MCC: variants seen among roughly 807,000 people sequenced by gnomAD.
The protein encoded by MCC is MCC regulator of Wnt signaling pathway.
Under a neutral mutation model 116.2 loss-of-function variants are expected in MCC, and 90 were observed. The ratio of observed to expected loss-of-function variants is 0.77; its 90% confidence interval spans 0.65 to 0.92. The LOEUF (loss-of-function observed/expected upper bound fraction) is 0.92. Ranked by LOEUF, MCC falls within the 40% of genes least tolerant of loss-of-function variation. The pLI is 0.00. For synonymous variants in MCC, 578 were observed against 510.5 expected (o/e 1.13, Z -1.78); for missense variants, 1,516 against 1,312.2 (o/e 1.16, Z -2.40).
In MCC at chr5:113,062,634, G is replaced by A. The variant is rs1337858559; in HGVS notation, c.2213+1350C>T. Among the ~76,000 whole-genome samples, 8 of 152,250 alleles carry A rather than the reference G, an allele frequency of 5.3e-5. No individual in the cohort carries two copies. In the South Asian group the frequency reaches 6.2e-4, roughly 12 times the overall value. On this transcript the variant is annotated intron_variant, in intron 14 of 18. Coordinates refer to ENST00000408903, the MANE Select transcript of MCC (RefSeq NM_001085377.2). ...ACATCTGGAAGAGTCATTAAGAAGA[G>A]CATCTGCTTTCTGTGTTTACACAGT...
At chr5:113,396,348 C>A (rs1416703147) in intron 1 of MCC, among the ~76,000 whole-genome samples, 1 of 151,660 alleles carries the variant, frequency 6.6e-6, no homozygotes, top group Non-Finnish European at 1.5e-5. Flanking sequence ...ACAAAAAAAC[C>A]GAGCCATGCA....
intron 1 of MCC, among the ~76,000 whole-genome samples, chr5:113,447,498 T>G (rs993109991): frequency 6.6e-6 from 1 of 152,164 alleles, no homozygotes; most frequent in African/African-American, 2.4e-5. Flanking sequence ...CCCACTATGC[T>G]TTTTCTACAG....
intron 3 of MCC, among the ~76,000 whole-genome samples, chr5:113,312,573 A>T (rs1767161369): frequency 6.6e-6 from 1 of 152,212 alleles, no homozygotes; most frequent in Non-Finnish European, 1.5e-5. Flanking sequence ...GATAAAGAAG[A>T]GAATGCAAAG....
In MCC at chr5:113,064,084, C is replaced by A; in HGVS notation, c.2113G>T (p.Ala705Ser). 6.2e-7 allele frequency: 1 copy of A among 1,614,210 alleles called. No individual in the cohort carries two copies. Among genetic ancestry groups the A allele is most frequent in the Non-Finnish European group, 8.5e-7 (1 of 1,180,038 alleles). Residue 705 changes from alanine to serine, a missense_variant, in exon 14 of 19, where the codon GCC (alanine) becomes TCC (serine). By Grantham distance (99) the Ala-to-Ser change is moderately conservative. Transcript: ENST00000408903. ...CTGCCGTCCAGCTTCATGAGCAGGG[C>A]CTTGGCAGCGTTCTCAGCTGTCTTC... is the stretch of plus-strand genomic sequence containing the variant. ...CRKTAENAAK[A>S]LLMKLDGSCG...
chr5:113,053,012 A>G (rs1281050704), intron 15 of MCC, among the ~76,000 whole-genome samples: 2 of 152,214 alleles, frequency 1.3e-5, no homozygotes, highest in African/African-American at 4.8e-5. Flanking sequence ...CTGCCTTGTA[A>G]GAGCAGGTAC....
At chr5:113,404,695 CT>C (rs1313010101) in intron 1 of MCC, among the ~76,000 whole-genome samples, 2 of 152,192 alleles carry the variant, frequency 1.3e-5, no homozygotes, top group Non-Finnish European at 2.9e-5. Context: ...TAAATATCCA[CT>C]GATGGAGGCC....
At chr5:113,117,336 T>C (rs1395952442) in intron 6 of MCC, among the ~76,000 whole-genome samples, 1 of 152,226 alleles carries the variant, frequency 6.6e-6, no homozygotes, top group Non-Finnish European at 1.5e-5. Context: ...AGGTTTCATG[T>C]GGAAATTCTT....
intron 3 of MCC, among the ~76,000 whole-genome samples, chr5:113,295,478 C>A (rs1006529274): frequency 1.3e-5 from 2 of 151,992 alleles, no homozygotes; most frequent in African/African-American, 4.8e-5. Context: ...GGCTCCCCAA[C>A]CCCCATCCCT....
chr5:113,041,044 G>A (rs1272140000), intron 17 of MCC, among the ~76,000 whole-genome samples: 1 of 152,182 alleles, frequency 6.6e-6, no homozygotes, highest in Non-Finnish European at 1.5e-5. Context: ...ATTTGTTGAG[G>A]GCATTTTTCT....
At chr5:113,077,241 GATCA>G (rs973930709) in intron 11 of MCC, among the ~76,000 whole-genome samples, 2 of 152,148 alleles carry the variant, frequency 1.3e-5, no homozygotes, top group African/African-American at 2.4e-5. Context: ...ACATTAGACA[GATCA>G]ATGAGACAGA....
chr5:113,070,452 A>G (rs1454396198), intron 12 of MCC, among the ~76,000 whole-genome samples: 1 of 152,200 alleles, frequency 6.6e-6, no homozygotes, highest in Non-Finnish European at 1.5e-5. Flanking sequence ...AGTGAACTGT[A>G]GTTATTTAAA....
intron 3 of MCC, among the ~76,000 whole-genome samples, chr5:113,289,531 A>G (rs1416022943): frequency 6.6e-6 from 1 of 152,060 alleles, no homozygotes; most frequent in Non-Finnish European, 1.5e-5. Flanking sequence ...ACACACAGAA[A>G]TGATCCTGTG....
At chr5:113,028,787 G>C in intron 18 of MCC, 147 bp downstream of exon 18, 3 of 873,030 alleles carry the variant, frequency 3.4e-6, no homozygotes, top group Non-Finnish European at 3.4e-6. Context: ...GGCTCTTAGA[G>C]AGCCAGGTAG....
At chr5:113,042,721 G>T (rs1007934381) in intron 17 of MCC, among the ~76,000 whole-genome samples, 1 of 151,742 alleles carries the variant, frequency 6.6e-6, no homozygotes, top group Non-Finnish European at 1.5e-5. Context: ...AACTTGAAAT[G>T]TCTGAATTTG....
chr5:113,042,988 A>G (rs1751822786), intron 17 of MCC, among the ~76,000 whole-genome samples: 1 of 152,160 alleles, frequency 6.6e-6, no homozygotes, highest in Non-Finnish European at 1.5e-5. Context: ...AAAAGCAGTG[A>G]TGGAAAGAAG....
intron 6 of MCC, among the ~76,000 whole-genome samples, chr5:113,105,013 C>A (rs1756648673): frequency 6.6e-6 from 1 of 152,204 alleles, no homozygotes; most frequent in Admixed American, 6.5e-5. Context: ...CGCTGGACAT[C>A]CAGGGCCTGG....
intron 17 of MCC, among the ~76,000 whole-genome samples, chr5:113,040,218 A>C (rs1423750235): frequency 6.6e-6 from 1 of 151,798 alleles, no homozygotes; most frequent in African/African-American, 2.4e-5. Context: ...TTCCAAACAG[A>C]AGAAAGTTAG....
intron 8 of MCC, among the ~76,000 whole-genome samples, chr5:113,091,830 G>A (rs11744956): frequency 0.46 from 69,330 of 151,712 alleles, 17,406 homozygotes; most frequent in African/African-American, 0.69. Context: ...GGCCATGGTG[G>A]GCTAGGAGGA....
At chr5:113,056,931 G>T (rs1752873224) in intron 14 of MCC, among the ~76,000 whole-genome samples, 1 of 152,198 alleles carries the variant, frequency 6.6e-6, no homozygotes, top group Non-Finnish European at 1.5e-5. Context: ...GGTGAAAAAT[G>T]AAGCAGGGAA....
Sources: allele counts gnomAD v4.1 joint callset (sites outside exome capture counted in the v4.1 genomes callset), GRCh38; gene constraint gnomAD v4.1.1; transcripts MANE v1.5; gene names NCBI Gene and HGNC (gene_info 2026-07-23, HGNC 2026-07-21).